SCN8A: variants seen among roughly 807,000 people sequenced by gnomAD.
SCN8A encodes the protein sodium voltage-gated channel alpha subunit 8, also known as sodium channel protein type 8 subunit alpha.
A neutral mutation model predicts 184.1 loss-of-function variants in SCN8A; 30 were observed. That is an observed-to-expected ratio of 0.16 (90% CI 0.12 to 0.22). SCN8A has a LOEUF of 0.22. Among genes scored for constraint, SCN8A ranks in the 10% least tolerant of loss-of-function variants. The pLI, the probability that SCN8A is intolerant of heterozygous loss-of-function variation, is 1.00. For synonymous variants in SCN8A, 852 were observed against 907.0 expected, an observed-to-expected ratio of 0.94 and a Z score of 1.09; for missense variants, 1,057 against 2,498.9, an observed-to-expected ratio of 0.42 and a Z score of 12.30.
intron 15 of SCN8A, among the ~76,000 whole-genome samples, chr12:51,764,964 C>T (rs149920896): frequency 2.6e-5 from 4 of 151,836 alleles, no homozygotes; most frequent in African/African-American, 7.2e-5. Flanking sequence ...TTATTAGAGA[C>T]GGCATTTCAC....
intron 1 of SCN8A, among the ~76,000 whole-genome samples, chr12:51,605,082 C>T (rs1939558589): frequency 6.6e-6 from 1 of 152,102 alleles, no homozygotes; most frequent in African/African-American, 2.4e-5. Context: ...ACGAGTTTTT[C>T]ATGTTCCTAA....
Position 51,794,400 on chromosome 12 carries a change from T to A in SCN8A, c.4554T>A (p.Phe1518Leu). ...LNKIQGIVFDFVTQQAFDIVI... is the reference protein window; with the variant it reads ...LNKIQGIVFDLVTQQAFDIVI... The stretch of plus-strand genomic sequence containing the variant: ...AAATCCAAGGAATCGTCTTTGATTT[T>A]GTCACTCAGCAAGCCTTTGACATTG... Residue 1518 changes from phenylalanine to leucine, a missense_variant, in exon 26 of 27, where the codon TTT (phenylalanine) becomes TTA (leucine). Physicochemically the swap from Phe to Leu is conservative, Grantham distance 22. Coordinates refer to ENST00000627620, the MANE Select transcript of SCN8A (RefSeq NM_001330260.2). The A allele has an allele frequency of 1.9e-6, 3 of 1,612,154 alleles. No individual in the cohort carries two copies. Among genetic ancestry groups the A allele is most frequent in the Non-Finnish European group, 2.5e-6 (3 of 1,178,398 alleles).
intron 12 of SCN8A, among the ~76,000 whole-genome samples, chr12:51,744,221 T>C (rs1942472027): frequency 6.6e-6 from 1 of 152,186 alleles, no homozygotes. Context: ...GAAAATTGCT[T>C]GAACCTCAGA....
chr12:51,738,245 C>T (rs934448891), intron 12 of SCN8A, among the ~76,000 whole-genome samples: 1 of 152,138 alleles, frequency 6.6e-6, no homozygotes, highest in African/African-American at 2.4e-5. Flanking sequence ...AGAACTTGTG[C>T]TCCCCATTGT....
At chr12:51,665,343 GA>G (rs1454682113) in intron 2 of SCN8A, among the ~76,000 whole-genome samples, 1 of 152,228 alleles carries the variant, frequency 6.6e-6, no homozygotes, top group Non-Finnish European at 1.5e-5. Context: ...CTTCATGGTA[GA>G]AATTCTGACT....
chr12:51,629,529 A>G (rs908956928), intron 1 of SCN8A, among the ~76,000 whole-genome samples: 3 of 148,282 alleles, frequency 2.0e-5, no homozygotes, highest in Non-Finnish European at 4.4e-5. Flanking sequence ...GTACCTTGCA[A>G]CTCTGGTAAT....
chr12:51,673,957 A>C (rs1254839055), intron 2 of SCN8A, among the ~76,000 whole-genome samples: 2 of 152,018 alleles, frequency 1.3e-5, no homozygotes, highest in Non-Finnish European at 2.9e-5. Context: ...AGTATGGTTA[A>C]AAAAAAATTC....
intron 5 of SCN8A, among the ~76,000 whole-genome samples, chr12:51,687,542 C>T (rs1384051814): frequency 1.3e-5 from 2 of 152,172 alleles, no homozygotes; most frequent in African/African-American, 4.8e-5. Context: ...CCTATCATTA[C>T]AAGGCCTCTG....
intron 12 of SCN8A, among the ~76,000 whole-genome samples, chr12:51,730,405 T>C (rs1790622781): frequency 6.6e-6 from 1 of 152,208 alleles, no homozygotes; most frequent in South Asian, 2.1e-4. Context: ...CTTATGCCAA[T>C]ATACATTTGT....
At chr12:51,723,625 C>T (rs1193399866) in intron 12 of SCN8A, among the ~76,000 whole-genome samples, 1 of 152,192 alleles carries the variant, frequency 6.6e-6, no homozygotes, top group Non-Finnish European at 1.5e-5. Flanking sequence ...CCTGTAATCC[C>T]AGCACCTTGG....
chr12:51,783,840 T>A (rs1937997923), intron 21 of SCN8A, among the ~76,000 whole-genome samples: 1 of 152,242 alleles, frequency 6.6e-6, no homozygotes, highest in Non-Finnish European at 1.5e-5. Context: ...CTGTAAGAAT[T>A]AATATCCATT....
chr12:51,659,706 G>T (rs906107047), intron 1 of SCN8A, among the ~76,000 whole-genome samples: 1 of 152,038 alleles, frequency 6.6e-6, no homozygotes, highest in Non-Finnish European at 1.5e-5. Context: ...GTCCACTAGT[G>T]GGGAGACTAC....
chr12:51,794,102 C>T (rs543434781), intron 25 of SCN8A, among the ~76,000 whole-genome samples: 1 of 141,280 alleles, frequency 7.1e-6, no homozygotes, highest in East Asian at 2.2e-4. Flanking sequence ...GTCAAGATCG[C>T]ACCACTGCAC....
chr12:51,665,102 A>T (rs1045091756), intron 2 of SCN8A, among the ~76,000 whole-genome samples: 1 of 152,228 alleles, frequency 6.6e-6, no homozygotes, highest in Non-Finnish European at 1.5e-5. Context: ...GACAGGAGAT[A>T]TGAAAAAATA....
chr12:51,714,033 A>G (rs1360851989), intron 11 of SCN8A, among the ~76,000 whole-genome samples: 2 of 152,094 alleles, frequency 1.3e-5, no homozygotes, highest in Non-Finnish European at 2.9e-5. Flanking sequence ...GTAATAGAAA[A>G]CAGTTGAAAT....
chr12:51,646,008 G>A (rs1248069565), intron 1 of SCN8A, among the ~76,000 whole-genome samples: 3 of 25,460 alleles, frequency 1.2e-4, no homozygotes, highest in African/African-American at 1.2e-4. Context: ...TAAGATAAAA[G>A]TAAAAAAAAA....
chr12:51,797,652 G>A (rs1211856353), intron 26 of SCN8A, among the ~76,000 whole-genome samples: 1 of 152,190 alleles, frequency 6.6e-6, no homozygotes. Flanking sequence ...CACAGGGCAT[G>A]CTAATACTAA....
intron 25 of SCN8A, among the ~76,000 whole-genome samples, chr12:51,792,488 C>T (rs1271387761): frequency 7.8e-5 from 4 of 51,590 alleles, no homozygotes; most frequent in Non-Finnish European, 1.4e-4. Flanking sequence ...GACCCTATCT[C>T]AAAAAAAAAA....
intron 12 of SCN8A, among the ~76,000 whole-genome samples, chr12:51,726,894 A>G (rs780302001): frequency 1.3e-5 from 2 of 152,230 alleles, no homozygotes; most frequent in African/African-American, 2.4e-5. Flanking sequence ...AAAGCAAAAC[A>G]CTATGCAAAT....
Sources: gnomAD v4.1 joint callset for allele counts (sites outside exome capture counted in the v4.1 genomes callset) on GRCh38, gnomAD v4.1.1 for gene constraint, MANE v1.5 for transcripts, NCBI Gene and HGNC (gene_info 2026-07-23, HGNC 2026-07-21) for gene names.